The following SEMA6A variants were observed in gnomAD, a reference collection of about 807,000 sequenced individuals.
SEMA6A encodes semaphorin 6A, also known as semaphorin-6A.
Under a neutral mutation model 96.8 loss-of-function variants are expected in SEMA6A, and 25 were observed. That is an observed-to-expected ratio of 0.26 (90% CI 0.19 to 0.36). SEMA6A has a LOEUF of 0.36. Ranked by LOEUF, SEMA6A falls within the 10% of genes least tolerant of loss-of-function variation. The probability of loss-of-function intolerance (pLI) is 1.00; values close to 1 mark genes in which losing one functional copy is unlikely to be tolerated. For synonymous variants in SEMA6A, 612 were observed against 518.0 expected (o/e 1.18, Z -2.46); for missense variants, 1,363 against 1,323.1 (o/e 1.03, Z -0.47).
chr5:116,483,367 A>C (rs1284519805), intron 10 of SEMA6A, among the ~76,000 whole-genome samples: 4 of 152,130 alleles, frequency 2.6e-5, no homozygotes, highest in African/African-American at 9.7e-5. Context: ...TTGCTCCTTG[A>C]TTTTGATCAA....
chr5:116,550,060 G>A (rs1269617723), intron 1 of SEMA6A: 4 of 152,190 alleles, frequency 2.6e-5, no homozygotes, highest in Non-Finnish European at 5.9e-5. Context: ...TAGGATTTGA[G>A]TGGAAAGGGA....
intron 1 of SEMA6A, among the ~76,000 whole-genome samples, chr5:116,525,107 C>A (rs1759163260): frequency 6.6e-6 from 1 of 152,140 alleles, no homozygotes; most frequent in Non-Finnish European, 1.5e-5. Context: ...GTAAACATGG[C>A]CTTTGAAGTC....
Position 116,475,608 on chromosome 5 carries a change from T to G in SEMA6A, c.1650-5A>C. The G allele has an allele frequency of 6.3e-7, 1 of 1,593,714 alleles. No individual in the cohort carries two copies. The highest frequency in any genetic ancestry group is 8.6e-7 in the Non-Finnish European group (1 of 1,169,090). ...ATGTCCTGCTCAAAAGTCAGTCTTT[T>G]AAAAAAGGAAGGGAAAGAGAGACAG... is the stretch of plus-strand genomic sequence containing the variant. On this transcript the variant is annotated splice_region_variant and splice_polypyrimidine_tract_variant and intron_variant, in intron 15 of 18. Coordinates refer to ENST00000343348, the MANE Select transcript of SEMA6A (RefSeq NM_020796.5).
intron 18 of SEMA6A, among the ~76,000 whole-genome samples, chr5:116,451,152 A>C (rs1486223594): frequency 6.6e-6 from 1 of 152,230 alleles, no homozygotes; most frequent in East Asian, 1.9e-4. Context: ...CATGAGGTGA[A>C]CACACCTAAT....
chr5:116,539,474 T>C (rs986242326), intron 1 of SEMA6A, among the ~76,000 whole-genome samples: 1 of 152,206 alleles, frequency 6.6e-6, no homozygotes, highest in African/African-American at 2.4e-5. Flanking sequence ...GCAGCTGTAC[T>C]GGGCAGTGTG....
At chr5:116,562,831 T>A in intron 1 of SEMA6A, 1 of 698,544 alleles carries the variant, frequency 1.4e-6, no homozygotes, top group Non-Finnish European at 2.7e-6. Flanking sequence ...TGGGTATTAC[T>A]GCCTTACACA....
intron 17 of SEMA6A, chr5:116,472,237 G>A (rs773364882): frequency 6.6e-6 from 1 of 152,142 alleles, no homozygotes; most frequent in Non-Finnish European, 1.5e-5. Flanking sequence ...GGGCTTAGTA[G>A]CTTTGTTTAA....
intron 3 of SEMA6A, 60 bp from the exon 4 acceptor site, chr5:116,497,447 G>A (rs1372804466): frequency 9.7e-7 from 1 of 1,031,322 alleles, no homozygotes; most frequent in Non-Finnish European, 1.5e-6. Context: ...TTCATTTTCT[G>A]CTTAATGAGT....
At chr5:116,554,626 G>C (rs1229498259) in intron 1 of SEMA6A, 5 of 152,244 alleles carry the variant, frequency 3.3e-5, no homozygotes, top group African/African-American at 1.2e-4. Flanking sequence ...ACTTGCTTTG[G>C]TGAGAGGTGG....
chr5:116,509,743 C>G (rs930283085), intron 1 of SEMA6A, among the ~76,000 whole-genome samples: 3 of 152,000 alleles, frequency 2.0e-5, no homozygotes, highest in African/African-American at 7.3e-5. Flanking sequence ...ATAAGGGGAC[C>G]CAGGCTGAGG....
chr5:116,535,708 A>C lies in SEMA6A; in HGVS notation c.-38-30726T>G, dbSNP rs1409334280. Among the ~76,000 whole-genome samples, 8 of 152,174 alleles carry C rather than the reference A, an allele frequency of 5.3e-5. 1 individual carries two copies. In the East Asian group the frequency reaches 1.3e-3, roughly 26 times the overall value. ...CAGCACTTTCAACAAATGTCCAGCT[A>C]TTATATAGGTCATGTTATAACTGCA... is the stretch of plus-strand genomic sequence containing the variant. On this transcript the variant is annotated intron_variant, in intron 1 of 18. Coordinates refer to ENST00000343348, the MANE Select transcript of SEMA6A (RefSeq NM_020796.5).
chr5:116,556,926 T>C (rs1453511021), intron 1 of SEMA6A, among the ~76,000 whole-genome samples: 1 of 152,204 alleles, frequency 6.6e-6, no homozygotes, highest in Non-Finnish European at 1.5e-5. Context: ...AAATAGCTAC[T>C]GTGTCTGAAA....
chr5:116,475,147 CA>C (rs1262675133), intron 16 of SEMA6A, among the ~76,000 whole-genome samples: 1 of 152,052 alleles, frequency 6.6e-6, no homozygotes, highest in Non-Finnish European at 1.5e-5. Flanking sequence ...AAAACAGGCC[CA>C]CTCAATTAAA....
Position 116,448,454 on chromosome 5 carries a change from T to C in SEMA6A, c.1895-643A>G, listed in dbSNP as rs1332967844. 9.8e-5 allele frequency among the ~76,000 whole-genome samples: 15 copies of C among 152,304 alleles called. 2 individuals carry two copies. The South Asian group carries it at 2.3e-3, about 23-fold the overall frequency. On this transcript the variant is annotated intron_variant, in intron 18 of 18. Transcript: ENST00000343348. Reference sequence around the variant, plus strand: ...TTTTGGCTTTCAAAAGTTATCTTTCTTTCCTTCTTTATGGCTTTTTAACCT... The same window carrying C: ...TTTTGGCTTTCAAAAGTTATCTTTCCTTCCTTCTTTATGGCTTTTTAACCT...
rs552803802 is a variant in SEMA6A, at chr5:116,493,126, T to G, written c.445-1296A>C. The stretch of plus-strand genomic sequence containing the variant: ...AGGTGTGGCAAGAACAAGCAAGAGG[T>G]GACGGCATTATTATAAGTGTAGAAT... On this transcript the variant is annotated intron_variant, in intron 6 of 18. Transcript: ENST00000343348. Among the ~76,000 whole-genome samples, 6 of 152,272 alleles carry G rather than the reference T, an allele frequency of 3.9e-5. No homozygotes were observed. The East Asian group carries it at 9.6e-4, about 24-fold the overall frequency.
intron 12 of SEMA6A, among the ~76,000 whole-genome samples, chr5:116,479,209 T>TG (rs562501854): frequency 2.8e-4 from 42 of 152,244 alleles, no homozygotes; most frequent in Non-Finnish European, 5.4e-4. Context: ...GGAGGTAGGG[T>TG]GCTAATGGCA....
intron 3 of SEMA6A, among the ~76,000 whole-genome samples, chr5:116,499,973 C>T (rs767965682): frequency 6.6e-6 from 1 of 152,202 alleles, no homozygotes; most frequent in Non-Finnish European, 1.5e-5. Flanking sequence ...GGAAAGTGAA[C>T]AATTCACAAG....
intron 6 of SEMA6A, among the ~76,000 whole-genome samples, chr5:116,494,928 G>A (rs1286954272): frequency 7.9e-6 from 1 of 126,268 alleles, no homozygotes; most frequent in Non-Finnish European, 1.8e-5. Flanking sequence ...TAAAGCCAAA[G>A]TAAGCAAGGC....
At chr5:116,473,877 C>T (rs915704249) in intron 16 of SEMA6A, among the ~76,000 whole-genome samples, 9 of 152,178 alleles carry the variant, frequency 5.9e-5, no homozygotes. Context: ...CTGCCCCGAG[C>T]AAGCACCCTT....
Sources: gnomAD v4.1 joint callset for allele counts (sites outside exome capture counted in the v4.1 genomes callset) on GRCh38, gnomAD v4.1.1 for gene constraint, MANE v1.5 for transcripts, NCBI Gene and HGNC (gene_info 2026-07-23, HGNC 2026-07-21) for gene names.